The following NFIA variants were observed in gnomAD, a reference collection of about 807,000 sequenced individuals.
NFIA encodes the protein nuclear factor 1 A-type.
A neutral mutation model predicts 62.8 loss-of-function variants in NFIA; 8 were observed. That is an observed-to-expected ratio of 0.13 (90% confidence interval 0.07 to 0.23). The LOEUF (loss-of-function observed/expected upper bound fraction) is 0.23, where lower values mean the gene tolerates loss of function less well. Among genes scored for constraint, NFIA ranks in the 10% least tolerant of loss-of-function variants. The pLI is 1.00. For missense variants in NFIA, 410 were observed against 642.1 expected, an observed-to-expected ratio of 0.64 and a Z score of 3.91; for synonymous variants, 235 against 238.1, an observed-to-expected ratio of 0.99 and a Z score of 0.12.
intron 7 of NFIA, among the ~76,000 whole-genome samples, chr1:61,391,263 G>T (rs1036978092): frequency 2.0e-5 from 3 of 151,954 alleles, no homozygotes; most frequent in Admixed American, 6.6e-5. Context: ...GGGTCTCACT[G>T]TGTTACCTAG....
At chr1:61,084,604 GA>G (rs1646185549) in intron 1 of NFIA, among the ~76,000 whole-genome samples, 1 of 152,190 alleles carries the variant, frequency 6.6e-6, no homozygotes, top group Admixed American at 6.5e-5. Context: ...TTCGAAGGCT[GA>G]AGTTCTAGCT....
At chr1:61,273,957 A>G (rs1657661913) in intron 2 of NFIA, among the ~76,000 whole-genome samples, 1 of 152,226 alleles carries the variant, frequency 6.6e-6, no homozygotes, top group Non-Finnish European at 1.5e-5. Context: ...CCCCAAAGGA[A>G]TACTGAAGTT....
In NFIA at chr1:61,181,106, G is replaced by C. The variant is rs1650729172; in HGVS notation, c.559+92426G>C. ...AGTTAATATGACTGCCTCCCTTACA[G>C]GTTTCCCCAGATATGCTTACTTGCT... is the stretch of plus-strand genomic sequence containing the variant. On this transcript the variant is annotated intron_variant, in intron 2 of 10. Coordinates refer to ENST00000403491, the MANE Select transcript of NFIA (RefSeq NM_001134673.4). Among the ~76,000 whole-genome samples the C allele has an allele frequency of 1.3e-5, 2 of 152,214 alleles. 1 individual carries two copies. The highest frequency in any genetic ancestry group is 4.1e-4 in the South Asian group (2 of 4,830).
At chr1:61,345,083 T>C (rs947900137) in intron 4 of NFIA, among the ~76,000 whole-genome samples, 2 of 150,408 alleles carry the variant, frequency 1.3e-5, no homozygotes, top group African/African-American at 4.9e-5. Context: ...ATTCTACTTA[T>C]GACAGGAAAG....
intron 4 of NFIA, among the ~76,000 whole-genome samples, chr1:61,346,990 C>T (rs964203651): frequency 2.0e-5 from 3 of 152,028 alleles, no homozygotes; most frequent in African/African-American, 7.2e-5. Flanking sequence ...ATGGGGGAAA[C>T]TGCCCCCAAG....
chr1:61,148,371 T>A (rs1199044690), intron 2 of NFIA, among the ~76,000 whole-genome samples: 1 of 152,172 alleles, frequency 6.6e-6, no homozygotes, highest in Non-Finnish European at 1.5e-5. Context: ...TCCCTCTGAC[T>A]CTCACACCAC....
chr1:61,113,856 T>TG (rs1046360973), intron 2 of NFIA, among the ~76,000 whole-genome samples: 2 of 152,040 alleles, frequency 1.3e-5, no homozygotes, highest in Non-Finnish European at 2.9e-5. Context: ...TTGGTTAGAA[T>TG]GGGGGGTTTA....
At chr1:61,451,543 ACCCCACTTCCCT>A (rs1323556280) in intron 10 of NFIA, among the ~76,000 whole-genome samples, 2 of 152,116 alleles carry the variant, frequency 1.3e-5, no homozygotes, top group Non-Finnish European at 2.9e-5. Flanking sequence ...GAGGACAGTC[ACCCCACTTCCCT>A]CCCCACTCCC....
chr1:61,306,838 T>A (rs1437985969), intron 3 of NFIA, among the ~76,000 whole-genome samples: 1 of 152,152 alleles, frequency 6.6e-6, no homozygotes, highest in African/African-American at 2.4e-5. Flanking sequence ...GCATTGTCTG[T>A]CTTGACATAT....
At chr1:61,378,961 A>G (rs1029510086) in intron 6 of NFIA, among the ~76,000 whole-genome samples, 3 of 152,172 alleles carry the variant, frequency 2.0e-5, no homozygotes, top group Admixed American at 1.3e-4. Context: ...CCTTTTATAC[A>G]AGGCTCCCCT....
intron 2 of NFIA, among the ~76,000 whole-genome samples, chr1:61,164,892 A>G (rs2100541538): frequency 6.6e-6 from 1 of 152,302 alleles, no homozygotes; most frequent in South Asian, 2.1e-4. Flanking sequence ...GCAGGACCTG[A>G]AGACCCTGTG....
At chr1:61,352,676 A>G (rs1321447930) in intron 5 of NFIA, 109 bp downstream of exon 5, 5 of 901,558 alleles carry the variant, frequency 5.5e-6, no homozygotes, top group Non-Finnish European at 9.0e-6. Context: ...AATAGAAGAT[A>G]ACAAAGTAGT....
chr1:61,295,251 A>G (rs1659128066), intron 3 of NFIA, among the ~76,000 whole-genome samples: 1 of 152,214 alleles, frequency 6.6e-6, no homozygotes, highest in African/African-American at 2.4e-5. Context: ...ATTCCATGGC[A>G]AAGCTGACTG....
chr1:61,399,190 G>C (rs1172911256), intron 7 of NFIA, among the ~76,000 whole-genome samples: 1 of 152,144 alleles, frequency 6.6e-6, no homozygotes, highest in Admixed American at 6.5e-5. Context: ...AAACTGTTTG[G>C]AATCTCACCT....
rs41289414 is a variant in NFIA at position 61,088,376 on chromosome 1, C to T, written c.255C>T (p.Pro85=). 5.2e-3 allele frequency: 8,415 copies of T among 1,613,606 alleles called. 57 individuals carry two copies. Among genetic ancestry groups the T allele is most frequent in the Non-Finnish European group, 5.1e-3 (6,067 of 1,179,936 alleles). Residue 85 remains proline (P), a synonymous_variant, in exon 2 of 11, where the codon CCC becomes CCT. Transcript: ENST00000403491. This position sits in a 1 kb window ranked among gnomAD's most constrained non-coding sequence, Gnocchi z 4.5. ...LLAKLRKDIR[P]EYREDFVLTV... ...CAAAGTTGCGGAAAGATATCCGACCCGAATATCGAGAGGATTTTGTTCTTA... is the reference window on the plus strand; with the variant it reads ...CAAAGTTGCGGAAAGATATCCGACCTGAATATCGAGAGGATTTTGTTCTTA...
chr1:61,304,298 AGAG>A (rs984460156), intron 3 of NFIA, among the ~76,000 whole-genome samples: 1 of 152,098 alleles, frequency 6.6e-6, no homozygotes, highest in African/African-American at 2.4e-5. Flanking sequence ...AGAGAGAGAG[AGAG>A]ATCAGGGTGA....
At chr1:61,368,070 T>C (rs1359400467) in intron 6 of NFIA, among the ~76,000 whole-genome samples, 2 of 152,192 alleles carry the variant, frequency 1.3e-5, no homozygotes, top group South Asian at 2.1e-4. Flanking sequence ...ATGTACAATT[T>C]TGTGAATGCA....
chr1:61,105,513 A>G (rs926542043), intron 2 of NFIA, among the ~76,000 whole-genome samples: 1 of 151,904 alleles, frequency 6.6e-6, no homozygotes, highest in African/African-American at 2.4e-5. Flanking sequence ...AAATGAATTC[A>G]TGGCCTTTCT....
chr1:61,283,472 C>T (rs1298481561), intron 3 of NFIA, among the ~76,000 whole-genome samples: 2 of 147,652 alleles, frequency 1.4e-5, no homozygotes, highest in East Asian at 4.0e-4. Flanking sequence ...ATCCTAGCCA[C>T]TTGGGAGGCT....
Sources: gnomAD v4.1 joint callset for allele counts (sites outside exome capture counted in the v4.1 genomes callset) on GRCh38, gnomAD v4.1.1 for gene constraint, Gnocchi (gnomAD v3.1) non-coding constraint, MANE v1.5 for transcripts, NCBI Gene and HGNC (gene_info 2026-07-23, HGNC 2026-07-21) for gene names.